RAB3GAP1: variants seen among roughly 807,000 people sequenced by gnomAD.
RAB3GAP1 encodes the protein rab3 GTPase-activating protein catalytic subunit.
RAB3GAP1 carries 86 observed loss-of-function variants against 130.7 expected under a neutral mutation model. The observed-to-expected ratio is 0.66, with a 90% CI of 0.55 to 0.79. The LOEUF is 0.79. RAB3GAP1 is among the 30% of genes least tolerant of loss of function. The probability of loss-of-function intolerance (pLI) is 0.00; values close to 1 mark genes in which losing one functional copy is unlikely to be tolerated. For missense variants in RAB3GAP1, 1,029 were observed against 1,169.4 expected (o/e 0.88, Z 1.75); for synonymous variants, 367 against 401.7 (o/e 0.91, Z 1.03).
intron 3 of RAB3GAP1, among the ~76,000 whole-genome samples, chr2:135,063,580 G>T (rs1379855028): frequency 5.3e-5 from 8 of 151,992 alleles, no homozygotes; most frequent in African/African-American, 1.7e-4. Flanking sequence ...TTGTTTTTTT[G>T]TGTGTGTGTC....
Position 135,096,187 on chromosome 2 carries a change from C to A in RAB3GAP1, c.362+2494C>A, listed in dbSNP as rs982945000. ...AGAACAAACTACCACCAAAATGGCC[C>A]TAGTAAAGAGTATATATTTAAGAAA... On this transcript the variant is annotated intron_variant, in intron 5 of 23. Coordinates refer to ENST00000264158, the MANE Select transcript of RAB3GAP1 (RefSeq NM_012233.3). 3.3e-5 allele frequency among the ~76,000 whole-genome samples: 5 copies of A among 152,132 alleles called. No individual in the cohort carries two copies. The South Asian group carries it at 8.3e-4, about 25-fold the overall frequency.
intron 7 of RAB3GAP1, among the ~76,000 whole-genome samples, chr2:135,120,424 T>G (rs936335636): frequency 1.5e-4 from 23 of 152,110 alleles, no homozygotes; most frequent in Non-Finnish European, 2.1e-4. Context: ...TGGACAAAAA[T>G]ACAGTGATTC....
chr2:135,088,569 A>G (rs1690050878), intron 3 of RAB3GAP1, among the ~76,000 whole-genome samples: 1 of 151,862 alleles, frequency 6.6e-6, no homozygotes, highest in Non-Finnish European at 1.5e-5. Flanking sequence ...CATGCCTGTA[A>G]TCCCAGCAAC....
intron 18 of RAB3GAP1, among the ~76,000 whole-genome samples, chr2:135,152,227 C>A (rs897343248): frequency 6.6e-6 from 1 of 152,198 alleles, no homozygotes; most frequent in Non-Finnish European, 1.5e-5. Flanking sequence ...TGTGCCTGGG[C>A]ACCTACACCT....
At chr2:135,118,389 TG>T (rs1243638371) in intron 7 of RAB3GAP1, among the ~76,000 whole-genome samples, 5 of 152,190 alleles carry the variant, frequency 3.3e-5, no homozygotes, top group African/African-American at 1.2e-4. Context: ...ACTTAAGAGC[TG>T]GTTTGGGTTC....
At chr2:135,136,437 G>T (rs1691683179) in intron 17 of RAB3GAP1, among the ~76,000 whole-genome samples, 1 of 152,158 alleles carries the variant, frequency 6.6e-6, no homozygotes, top group African/African-American at 2.4e-5. Flanking sequence ...ATTTAATCAA[G>T]GACCTTTAAA....
intron 5 of RAB3GAP1, among the ~76,000 whole-genome samples, chr2:135,096,386 AAG>A (rs1421495089): frequency 6.6e-6 from 1 of 152,218 alleles, no homozygotes; most frequent in Non-Finnish European, 1.5e-5. Flanking sequence ...ACTTTTAAAA[AAG>A]AAAATTATTT....
At chr2:135,173,260 CATAG>C (rs1010640799), downstream of RAB3GAP1, among the ~76,000 whole-genome samples, 1 of 151,662 alleles carries the variant, frequency 6.6e-6, no homozygotes, top group Non-Finnish European at 1.5e-5. Context: ...AATTGGGAAA[CATAG>C]ATAGTACTTA....
At chr2:135,151,892 G>A (rs4954221) in intron 18 of RAB3GAP1, among the ~76,000 whole-genome samples, 47,609 of 152,106 alleles carry the variant, frequency 0.31, 11,370 homozygotes, top group African/African-American at 0.65. Flanking sequence ...AGGAACTACG[G>A]AAGTTTTTCC....
chr2:135,171,670 G>A (rs1365091191), downstream of RAB3GAP1, among the ~76,000 whole-genome samples: 1 of 152,150 alleles, frequency 6.6e-6, no homozygotes, highest in African/African-American at 2.4e-5. Flanking sequence ...TTGAGTACCT[G>A]CTATGTGCCA....
At chr2:135,137,071 CA>C in intron 17 of RAB3GAP1, 1 of 257,134 alleles carries the variant, frequency 3.9e-6, no homozygotes, top group Non-Finnish European at 7.7e-6. Flanking sequence ...GCCTGGGTAA[CA>C]AAGACAGACC....
At chr2:135,171,932 G>A (rs994316241), downstream of RAB3GAP1, among the ~76,000 whole-genome samples, 3 of 152,206 alleles carry the variant, frequency 2.0e-5, no homozygotes, top group Non-Finnish European at 2.9e-5. Flanking sequence ...AAAGCCTGAG[G>A]CAGGAGTGTA....
Position 135,138,403 on chromosome 2 carries a change from T to C in RAB3GAP1, c.1923+2471T>C, listed in dbSNP as rs866596668. Among the ~76,000 whole-genome samples the C allele has an allele frequency of 5.3e-5, 8 of 151,852 alleles. No homozygotes were observed. The East Asian group carries it at 1.2e-3, about 22-fold the overall frequency. ...AGGTTAAGGCTGCAGTGAGCTATGA[T>C]TGTGTCACTGTTCTCCAGCCTGGGC... is the stretch of plus-strand genomic sequence containing the variant. On this transcript the variant is annotated intron_variant, in intron 17 of 23. Coordinates refer to ENST00000264158, the MANE Select transcript of RAB3GAP1 (RefSeq NM_012233.3).
In RAB3GAP1 at chr2:135,057,926, T is replaced by TA. The variant is rs1320023511; in HGVS notation, c.75-79dup. 6 of 1,021,094 alleles carry TA rather than the reference T, an allele frequency of 5.9e-6. No individual in the cohort carries two copies. The East Asian group carries it at 1.1e-4, about 18-fold the overall frequency. The allele number at this position is 1,021,094 out of a possible 1,614,324, so 63.3% of individuals were successfully genotyped here. On this transcript the variant is annotated intron_variant, in intron 2 of 23. Transcript: ENST00000264158. ...CCTCTCTGGTCAAATTGTTAAAATA[T>TA]AAAAAATACCTTTTTAAAGAAATTA...
chr2:135,173,872 A>T (rs1223341046), downstream of RAB3GAP1, among the ~76,000 whole-genome samples: 1 of 152,168 alleles, frequency 6.6e-6, no homozygotes, highest in African/African-American at 2.4e-5. Context: ...GGTTGGATGG[A>T]TGGATGCCTC....
At chr2:135,062,897 G>A (rs1689216510) in intron 3 of RAB3GAP1, among the ~76,000 whole-genome samples, 4 of 152,140 alleles carry the variant, frequency 2.6e-5, no homozygotes, top group Admixed American at 1.3e-4. Flanking sequence ...CTGGCTAAAC[G>A]CACTTATTAA....
At chr2:135,155,825 AAAACAAAAGG>A (rs1159977937) in intron 19 of RAB3GAP1, among the ~76,000 whole-genome samples, 1 of 152,176 alleles carries the variant, frequency 6.6e-6, no homozygotes, top group African/African-American at 2.4e-5. Context: ...AAATCAAAAG[AAAACAAAAGG>A]AAGCAAATGA....
chr2:135,165,246 C>T (rs539850905), intron 23 of RAB3GAP1: 2 of 436,068 alleles, frequency 4.6e-6, no homozygotes, highest in African/African-American at 2.1e-5. Context: ...TTATCATAAC[C>T]ATTACCTCTA....
At chr2:135,091,638 C>G (rs940249970) in intron 4 of RAB3GAP1, among the ~76,000 whole-genome samples, 7 of 152,082 alleles carry the variant, frequency 4.6e-5, no homozygotes, top group African/African-American at 1.7e-4. Flanking sequence ...TTTCTACTTG[C>G]TAGTTAGTTG....
Sources: gnomAD v4.1 joint callset for allele counts (sites outside exome capture counted in the v4.1 genomes callset) on GRCh38, gnomAD v4.1.1 for gene constraint, MANE v1.5 for transcripts, NCBI Gene and HGNC (gene_info 2026-07-23, HGNC 2026-07-21) for gene names.